FBXO34: variants seen among roughly 807,000 people sequenced by gnomAD.
FBXO34 encodes F-box only protein 34.
FBXO34 carries 12 observed loss-of-function variants against 24.5 expected under a neutral mutation model. That is an observed-to-expected ratio of 0.49 (90% CI 0.31 to 0.79). FBXO34 has a LOEUF of 0.79. Among genes scored for constraint, FBXO34 ranks in the 30% least tolerant of loss-of-function variants. FBXO34 has a pLI of 0.04. For missense variants in FBXO34, 823 were observed against 857.7 expected, an observed-to-expected ratio of 0.96 and a Z score of 0.51; for synonymous variants, 320 against 311.9, an observed-to-expected ratio of 1.03 and a Z score of -0.27.
At chr14:55,413,869 ACT>A in the FBXO34 span, 1 of 438,640 alleles carries the variant, frequency 2.3e-6, no homozygotes, top group Non-Finnish European at 4.4e-6. Context: ...AACACTGTAG[ACT>A]CTTCCAGCTT....
At chr14:55,378,326 T>C in the FBXO34 span, among the ~76,000 whole-genome samples, 1 of 152,202 alleles carries the variant, frequency 6.6e-6, no homozygotes, top group Non-Finnish European at 1.5e-5. Flanking sequence ...TACACAAATA[T>C]CTGCACACTA....
chr14:55,420,514 A>C, the FBXO34 span, among the ~76,000 whole-genome samples: 8 of 152,218 alleles, frequency 5.3e-5, no homozygotes, highest in Admixed American at 5.2e-4. Context: ...CCAAGAGATG[A>C]TAATTATTTA....
At chr14:55,397,512 C>T in the FBXO34 span, 1 of 1,128,916 alleles carries the variant, frequency 8.9e-7, no homozygotes. Flanking sequence ...TCCCAAGAAC[C>T]AATCATTCTG....
At chr14:55,380,873 A>T in the FBXO34 span, among the ~76,000 whole-genome samples, 10 of 90,952 alleles carry the variant, frequency 1.1e-4, no homozygotes, top group Admixed American at 9.3e-5. Context: ...ATATATATAT[A>T]TATTTTTTTT....
chr14:55,376,708 G>A, the FBXO34 span, among the ~76,000 whole-genome samples: 2 of 152,130 alleles, frequency 1.3e-5, no homozygotes, highest in East Asian at 3.9e-4. Context: ...GATGCGGAAG[G>A]GAAACCCAAA....
At chr14:55,298,689 C>T in intron 1 of FBXO34, 3 of 1,558,764 alleles carry the variant, frequency 1.9e-6, no homozygotes, top group Non-Finnish European at 2.6e-6. Flanking sequence ...CGGCCTGACC[C>T]TCCAGGAGGC....
chr14:55,283,556 C>G (rs928870347), intron 1 of FBXO34, among the ~76,000 whole-genome samples: 7 of 151,746 alleles, frequency 4.6e-5, no homozygotes. Context: ...CCTCCACCCC[C>G]TGGGTTCAAG....
At chr14:55,440,687 C>A in the FBXO34 span, 2 of 990,504 alleles carry the variant, frequency 2.0e-6, no homozygotes, top group Non-Finnish European at 2.8e-6. Context: ...CGGAGATGGG[C>A]TAGGGGTGGG....
rs1884432408 is a variant in FBXO34 at position 55,352,609 on chromosome 14, T to C, written c.*83T>C. ...CACCGTTCAAATGAGCGTAGCCCCC[T>C]GAGTCATCACTCTAGAAGAATCTGT... On this transcript the variant is annotated 3_prime_UTR_variant, in exon 2 of 2. Coordinates refer to ENST00000313833, the MANE Select transcript of FBXO34 (RefSeq NM_017943.4). 4 of 1,129,188 alleles carry C rather than the reference T, an allele frequency of 3.5e-6. No individual in the cohort carries two copies. Among genetic ancestry groups the C allele is most frequent in the Admixed American group, 5.6e-5 (2 of 35,996 alleles). 69.9% of individuals were successfully genotyped at this position (1,129,188 alleles called of 1,614,324 possible). A position where few individuals can be genotyped will look rare whatever the true frequency, so the allele number is the denominator to read the frequency against.
Position 55,350,978 on chromosome 14 carries a change from G to C in FBXO34, c.588G>C (p.Gly196=). 6.2e-7 allele frequency: 1 copy of C among 1,614,190 alleles called. No individual in the cohort carries two copies. The highest frequency in any genetic ancestry group is 1.3e-5 in the African/African-American group (1 of 75,058). The change falls in exon 2 of 2, where the codon GGG becomes GGC. Residue 196 remains glycine, a synonymous_variant. Coordinates refer to ENST00000313833, the MANE Select transcript of FBXO34 (RefSeq NM_017943.4). Reference sequence around the variant, plus strand: ...CTGTGCACTATGTGAGTGACAGTGGGGATGGAGTCTATGCTGGGAGGCCTC... The same window carrying C: ...CTGTGCACTATGTGAGTGACAGTGGCGATGGAGTCTATGCTGGGAGGCCTC... ...HCSVHYVSDS[G]DGVYAGRPLS...
intron 1 of FBXO34, among the ~76,000 whole-genome samples, chr14:55,284,616 T>G (rs2139658305): frequency 7.2e-6 from 1 of 139,044 alleles, no homozygotes; most frequent in Non-Finnish European, 1.6e-5. Context: ...CCTAAAATTT[T>G]GTTACTTTTT....
chr14:55,426,349 T>G, the FBXO34 span, among the ~76,000 whole-genome samples: 1 of 152,132 alleles, frequency 6.6e-6, no homozygotes, highest in South Asian at 2.1e-4. Flanking sequence ...ATAGAAAGAT[T>G]ACCAGAGAAA....
intron 1 of FBXO34, among the ~76,000 whole-genome samples, chr14:55,303,281 A>T (rs1053656985): frequency 1.3e-5 from 2 of 151,630 alleles, no homozygotes; most frequent in African/African-American, 2.4e-5. Flanking sequence ...GTGAACCTGC[A>T]TAATTATAGT....
rs375530850 is a variant in FBXO34 at position 55,283,551 on chromosome 14, A to T, written c.-11+12014A>T. 5.6e-4 allele frequency among the ~76,000 whole-genome samples: 83 copies of T among 147,252 alleles called. No homozygotes were observed. In the East Asian group the frequency reaches 0.014, roughly 25 times the overall value. On this transcript the variant is annotated intron_variant, in intron 1 of 1. Transcript: ENST00000313833. ...GTGATCTCAGCTCACTGCAACCTCC[A>T]CCCCCTGGGTTCAAGCGATTCTCCT...
chr14:55,363,008 C>CTT (rs1373346962), downstream of FBXO34, among the ~76,000 whole-genome samples: 1,596 of 135,156 alleles, frequency 0.012, 11 homozygotes, highest in Middle Eastern at 0.028. Context: ...CACAGGACCC[C>CTT]TTTTTTCTCT....
intron 1 of FBXO34, among the ~76,000 whole-genome samples, chr14:55,293,819 T>G (rs910989462): frequency 6.9e-6 from 1 of 145,074 alleles, no homozygotes; most frequent in Non-Finnish European, 1.5e-5. Context: ...AATGAATGAA[T>G]TTTTATGAAG....
the FBXO34 span, among the ~76,000 whole-genome samples, chr14:55,385,439 C>A: frequency 1.3e-5 from 2 of 152,164 alleles, no homozygotes; most frequent in African/African-American, 4.8e-5. Context: ...ACTACAGGCA[C>A]GCGCCACCAC....
At chr14:55,307,110 T>C (rs1882576926) in intron 1 of FBXO34, among the ~76,000 whole-genome samples, 1 of 152,236 alleles carries the variant, frequency 6.6e-6, no homozygotes, top group South Asian at 2.1e-4. Flanking sequence ...TGGCACAGCA[T>C]GAAGGTACCC....
chr14:55,436,812 G>A, the FBXO34 span: 127 of 1,614,078 alleles, frequency 7.9e-5, no homozygotes, highest in African/African-American at 1.1e-4. Context: ...CTTCAGTTTC[G>A]TGTTTGCTAA....
Sources: allele counts gnomAD v4.1 joint callset (sites outside exome capture counted in the v4.1 genomes callset), GRCh38; gene constraint gnomAD v4.1.1; transcripts MANE v1.5; gene names NCBI Gene and HGNC (gene_info 2026-07-23, HGNC 2026-07-21).